LRRC63: variants seen among roughly 807,000 people sequenced by gnomAD.
The protein encoded by LRRC63 is leucine-rich repeat-containing protein 63.
In LRRC63, 40 loss-of-function variants were observed where a neutral mutation model predicts 49.5. That is an observed-to-expected ratio of 0.81 (90% CI 0.63 to 1.05). The LOEUF is 1.05. LRRC63 is among the 50% of genes least tolerant of loss of function. The pLI is 0.00. For synonymous variants in LRRC63, 191 were observed against 221.1 expected (o/e 0.86, Z 1.21); for missense variants, 636 against 663.1 (o/e 0.96, Z 0.45).
intron 5 of LRRC63, among the ~76,000 whole-genome samples, chr13:46,241,946 T>G (rs2047074767): frequency 6.6e-6 from 1 of 152,206 alleles, no homozygotes; most frequent in Admixed American, 6.5e-5. Flanking sequence ...AAATATCATT[T>G]GACCCAGCAT....
Position 46,212,917 on chromosome 13 carries a change from T to G in LRRC63, c.-33-85T>G, listed in dbSNP as rs534373423. ...CAGTAGAGTATTGGTACAGAATGAT[T>G]TTCTTTAAGATGTAATCTAAATTCT... is the stretch of plus-strand genomic sequence containing the variant. On this transcript the variant is annotated intron_variant, in intron 1 of 9. Transcript: ENST00000595396. 7.2e-6 allele frequency: 5 copies of G among 694,552 alleles called. No homozygotes were observed. The East Asian group carries it at 1.1e-4, about 15-fold the overall frequency. The allele number at this position is 694,552 out of a possible 1,614,324, so 43.0% of individuals were successfully genotyped here. A position where few individuals can be genotyped will look rare whatever the true frequency, so the allele number is the denominator to read the frequency against.
chr13:46,264,930 G>C (rs2047662697), intron 8 of LRRC63, among the ~76,000 whole-genome samples: 4 of 152,156 alleles, frequency 2.6e-5, no homozygotes, highest in Admixed American at 1.3e-4. Context: ...GCCGAGGAGG[G>C]TGTATTGCCT....
exon 3 of LRRC63, chr13:46,227,524 A>G: frequency 6.7e-7 from 1 of 1,486,818 alleles, no homozygotes; most frequent in South Asian, 1.4e-5. Flanking sequence ...AAAACTGGTA[A>G]AATTGAGTCA....
At chr13:46,268,066 G>A (rs1594099076) in intron 9 of LRRC63, among the ~76,000 whole-genome samples, 1 of 150,722 alleles carries the variant, frequency 6.6e-6, no homozygotes, top group African/African-American at 2.4e-5. Flanking sequence ...AATATATGAG[G>A]AAACAAGCCA....
intron 2 of LRRC63, among the ~76,000 whole-genome samples, chr13:46,216,750 T>C (rs2046263320): frequency 6.6e-6 from 1 of 152,228 alleles, no homozygotes; most frequent in Admixed American, 6.5e-5. Flanking sequence ...TTGCCATAAA[T>C]AGCTCTTATT....
chr13:46,236,617 A>G (rs2046912132), intron 5 of LRRC63, among the ~76,000 whole-genome samples: 1 of 152,166 alleles, frequency 6.6e-6, no homozygotes, highest in Non-Finnish European at 1.5e-5. Context: ...ACATTCCCCA[A>G]TAAGCAAAAG....
chr13:46,213,083 A>G, exon 2 of LRRC63: 1 of 1,549,742 alleles, frequency 6.5e-7, no homozygotes. Flanking sequence ...TCCAAAATTC[A>G]CTAAGCTGTC....
intron 2 of LRRC63, among the ~76,000 whole-genome samples, chr13:46,216,875 C>G (rs561729582): frequency 1.1e-4 from 16 of 152,130 alleles, no homozygotes; most frequent in Admixed American, 2.6e-4. Context: ...TGGTTTTTGT[C>G]ATTGGTTCTG....
At chr13:46,255,182 G>A (rs2047478531) in intron 7 of LRRC63, among the ~76,000 whole-genome samples, 1 of 152,102 alleles carries the variant, frequency 6.6e-6, no homozygotes, top group Non-Finnish European at 1.5e-5. Flanking sequence ...TAAACATTGT[G>A]TTATTGTGCT....
chr13:46,218,427 T>C (rs2046314981), intron 2 of LRRC63, among the ~76,000 whole-genome samples: 1 of 111,996 alleles, frequency 8.9e-6, no homozygotes, highest in South Asian at 3.0e-4. Flanking sequence ...ACCCCTGCTT[T>C]TTTTTGTTTT....
At chr13:46,241,079 G>A (rs549085058) in intron 5 of LRRC63, among the ~76,000 whole-genome samples, 8 of 152,034 alleles carry the variant, frequency 5.3e-5, no homozygotes, top group South Asian at 2.1e-4. Flanking sequence ...ACCTGCCTTC[G>A]TACTATACTA....
intron 5 of LRRC63, among the ~76,000 whole-genome samples, chr13:46,234,659 G>A (rs566127069): frequency 2.6e-5 from 4 of 152,072 alleles, no homozygotes; most frequent in Admixed American, 6.6e-5. Flanking sequence ...CTAGTACTAG[G>A]ATGGCTTTTC....
chr13:46,217,778 ATG>A (rs2046295149), intron 2 of LRRC63, among the ~76,000 whole-genome samples: 1 of 152,170 alleles, frequency 6.6e-6, no homozygotes, highest in Non-Finnish European at 1.5e-5. Context: ...ACTGCTTTAA[ATG>A]TGTCCAAGTG....
intron 7 of LRRC63, among the ~76,000 whole-genome samples, chr13:46,253,883 C>A (rs1460317646): frequency 2.0e-5 from 3 of 152,074 alleles, no homozygotes; most frequent in African/African-American, 7.2e-5. Context: ...TGTTTTTCAT[C>A]ACAATTCTGG....
chr13:46,244,932 T>C (rs1241603643), intron 5 of LRRC63, among the ~76,000 whole-genome samples: 1 of 152,164 alleles, frequency 6.6e-6, no homozygotes, highest in Non-Finnish European at 1.5e-5. Context: ...AACTGGCTAA[T>C]GAAGAACCAC....
chr13:46,234,415 C>T lies in LRRC63; in HGVS notation c.990+66C>T, dbSNP rs1040363554. The T allele has an allele frequency of 3.4e-6, 5 of 1,451,558 alleles. No homozygotes were observed. The African/African-American group carries it at 5.7e-5, about 17-fold the overall frequency. 89.9% of individuals were successfully genotyped at this position (1,451,558 alleles called of 1,614,324 possible). ...TCAATTATTTTTGCTTTAAATTTCC[C>T]AATATAGATTAGTTTCCATGGTATT... On this transcript the variant is annotated intron_variant, in intron 5 of 9. Transcript: ENST00000595396.
At chr13:46,268,909 G>T (rs927365728) in intron 9 of LRRC63, among the ~76,000 whole-genome samples, 5 of 152,028 alleles carry the variant, frequency 3.3e-5, no homozygotes, top group South Asian at 2.1e-4. Context: ...ATTTTTAAAA[G>T]ATACTTTTTA....
At chr13:46,270,581 G>A (rs542361937) in intron 9 of LRRC63, 1 of 865,938 alleles carries the variant, frequency 1.2e-6, no homozygotes, top group East Asian at 2.5e-5. Flanking sequence ...GTATGAAGAA[G>A]TCATGGTGAA....
intron 7 of LRRC63, among the ~76,000 whole-genome samples, chr13:46,258,416 C>T (rs373679028): frequency 2.7e-5 from 4 of 150,462 alleles, no homozygotes; most frequent in Non-Finnish European, 5.9e-5. Context: ...GGCGTGAGCC[C>T]CCGCACCCAG....
Sources: allele counts gnomAD v4.1 joint callset (sites outside exome capture counted in the v4.1 genomes callset), GRCh38; gene constraint gnomAD v4.1.1; transcripts MANE v1.5; gene names NCBI Gene and HGNC (gene_info 2026-07-23, HGNC 2026-07-21).